C8orf89: variants seen among roughly 807,000 people sequenced by gnomAD.
C8orf89 encodes putative uncharacterized protein C8orf89.
Under a neutral mutation model 15.8 loss-of-function variants are expected in C8orf89, and 14 were observed. The observed-to-expected ratio is 0.89, with a 90% CI of 0.59 to 1.39. C8orf89 has a LOEUF of 1.39. C8orf89 is among the 40% of genes most tolerant of loss of function. C8orf89 has a pLI of 0.00. For synonymous variants in C8orf89, 55 were observed against 62.2 expected, an observed-to-expected ratio of 0.88 and a Z score of 0.54; for missense variants, 181 against 184.5, an observed-to-expected ratio of 0.98 and a Z score of 0.11.
the C8orf89 span, among the ~76,000 whole-genome samples, chr8:73,267,294 A>G: frequency 5.9e-5 from 9 of 152,242 alleles, no homozygotes; most frequent in African/African-American, 2.2e-4. Flanking sequence ...ATGTACTATA[A>G]TAAAAGTTAT....
At chr8:73,241,710 T>A (rs1445813775) in intron 3 of C8orf89, 105 bp from the exon 4 acceptor site, 5 of 946,506 alleles carry the variant, frequency 5.3e-6, no homozygotes, top group Admixed American at 3.1e-5. Context: ...CAAATGACTA[T>A]TACACACTAC....
chr8:73,282,711 T>C, the C8orf89 span, among the ~76,000 whole-genome samples: 1 of 152,190 alleles, frequency 6.6e-6, no homozygotes, highest in African/African-American at 2.4e-5. Context: ...GAAAAATTAA[T>C]ATGGCAGAGA....
At chr8:73,252,392 A>C (rs1204050692) in intron 2 of C8orf89, among the ~76,000 whole-genome samples, 3 of 152,206 alleles carry the variant, frequency 2.0e-5, no homozygotes, top group African/African-American at 7.2e-5. Context: ...AGGCAGGATA[A>C]AAATTTTAAG....
chr8:73,246,360 T>G (rs1813123895), intron 3 of C8orf89, among the ~76,000 whole-genome samples: 2 of 152,178 alleles, frequency 1.3e-5, no homozygotes, highest in Admixed American at 1.3e-4. Context: ...AAGCAATGTC[T>G]TTTGGGTTTT....
At chr8:73,259,583 A>G, upstream of C8orf89, 1 of 539,430 alleles carries the variant, frequency 1.9e-6, no homozygotes, top group Non-Finnish European at 2.9e-6. Flanking sequence ...TTCTCTTTCA[A>G]ACTTTGAACA....
At chr8:73,250,730 G>T (rs1813228171) in intron 2 of C8orf89, among the ~76,000 whole-genome samples, 1 of 152,086 alleles carries the variant, frequency 6.6e-6, no homozygotes, top group Non-Finnish European at 1.5e-5. Context: ...ATAATAAGTA[G>T]ATTATTAGGG....
upstream of C8orf89, among the ~76,000 whole-genome samples, chr8:73,261,096 T>C (rs143402741): frequency 3.3e-4 from 51 of 152,290 alleles, no homozygotes; most frequent in African/African-American, 1.2e-3. Context: ...TTCCCTACTT[T>C]TGAGGTTTTG....
chr8:73,273,367 C>A, the C8orf89 span, among the ~76,000 whole-genome samples: 1 of 152,174 alleles, frequency 6.6e-6, no homozygotes, highest in Non-Finnish European at 1.5e-5. Flanking sequence ...TCCCAGTGCC[C>A]ACTCTGATTT....
chr8:73,241,653 A>C, intron 3 of C8orf89, 48 bp from the exon 4 acceptor site: 2 of 1,361,556 alleles, frequency 1.5e-6, no homozygotes, highest in Non-Finnish European at 9.8e-7. Context: ...TTAAGCACAC[A>C]TGAATAATAT....
At chr8:73,267,514 G>A in the C8orf89 span, among the ~76,000 whole-genome samples, 3,943 of 152,136 alleles carry the variant, frequency 0.026, 55 homozygotes, top group Non-Finnish European at 0.034. Flanking sequence ...ATACATATCA[G>A]GAAATAACCA....
At chr8:73,253,133 A>G (rs796640937) in intron 2 of C8orf89, among the ~76,000 whole-genome samples, 87 of 152,304 alleles carry the variant, frequency 5.7e-4, no homozygotes, top group African/African-American at 2.0e-3. Context: ...ACAGAGCTAG[A>G]CTCCGTCTCA....
At chr8:73,269,981 T>C in the C8orf89 span, among the ~76,000 whole-genome samples, 2 of 152,192 alleles carry the variant, frequency 1.3e-5, no homozygotes, top group Admixed American at 1.3e-4. Flanking sequence ...TTACAGAGAT[T>C]AAACTCACTG....
upstream of C8orf89, among the ~76,000 whole-genome samples, chr8:73,260,910 G>A (rs1813513719): frequency 6.6e-6 from 1 of 152,208 alleles, no homozygotes; most frequent in Admixed American, 6.5e-5. Context: ...AGCTGCCAGT[G>A]TAGCTAGAAT....
the C8orf89 span, among the ~76,000 whole-genome samples, chr8:73,285,178 G>A: frequency 6.6e-6 from 1 of 152,168 alleles, no homozygotes; most frequent in Non-Finnish European, 1.5e-5. Context: ...GAAGACACAG[G>A]GGTAGGCAAG....
chr8:73,278,044 C>A, the C8orf89 span: 1 of 495,502 alleles, frequency 2.0e-6, no homozygotes, highest in East Asian at 4.5e-5. Context: ...GGAAGAAAGA[C>A]ATTTCTGCCT....
intron 2 of C8orf89, 105 bp downstream of exon 2, chr8:73,256,868 A>C (rs1033527602): frequency 9.8e-5 from 67 of 680,510 alleles, no homozygotes; most frequent in Admixed American, 2.1e-4. Context: ...AAAAAAAAAA[A>C]CAGGCAAAAA....
At chr8:73,273,435 G>T in the C8orf89 span, among the ~76,000 whole-genome samples, 101 of 152,332 alleles carry the variant, frequency 6.6e-4, no homozygotes, top group African/African-American at 2.3e-3. Flanking sequence ...GCGTGTGCTC[G>T]CTCAGGGAGG....
chr8:73,279,271 C>A, the C8orf89 span, among the ~76,000 whole-genome samples: 1 of 152,140 alleles, frequency 6.6e-6, no homozygotes, highest in Non-Finnish European at 1.5e-5. Context: ...TCAAGGATTC[C>A]TTGAATTACA....
At chr8:73,259,659 A>G (rs1813486120), upstream of C8orf89, among the ~76,000 whole-genome samples, 1 of 152,226 alleles carries the variant, frequency 6.6e-6, no homozygotes, top group South Asian at 2.1e-4. Context: ...GTAAAGTCCA[A>G]TAGCAAGTTA....
Sources: allele counts gnomAD v4.1 joint callset (sites outside exome capture counted in the v4.1 genomes callset), GRCh38; gene constraint gnomAD v4.1.1; transcripts MANE v1.5; gene names NCBI Gene and HGNC (gene_info 2026-07-23, HGNC 2026-07-21).